Variants in USP34 observed in about 807,000 individuals in gnomAD.
USP34 encodes the protein ubiquitin specific peptidase 34.
Under a neutral mutation model 460.3 loss-of-function variants are expected in USP34, and 70 were observed. The ratio of observed to expected loss-of-function variants is 0.15; its 90% CI spans 0.13 to 0.19. USP34 has a LOEUF of 0.19. USP34 is among the 10% of genes least tolerant of loss of function. The probability of loss-of-function intolerance (pLI) is 1.00; values close to 1 mark genes in which losing one functional copy is unlikely to be tolerated. For missense variants in USP34, 3,985 were observed against 4,236.2 expected, an observed-to-expected ratio of 0.94 and a Z score of 1.65; for synonymous variants, 1,647 against 1,405.3, an observed-to-expected ratio of 1.17 and a Z score of -3.85.
At chr2:61,419,373 G>A (rs1034962539) in intron 2 of USP34, among the ~76,000 whole-genome samples, 2 of 151,996 alleles carry the variant, frequency 1.3e-5, no homozygotes, top group African/African-American at 2.4e-5. Flanking sequence ...ACAGGCTCTC[G>A]GTGGTTTGGA....
intron 43 of USP34, among the ~76,000 whole-genome samples, chr2:61,263,933 G>A (rs570520462): frequency 6.6e-6 from 1 of 152,246 alleles, no homozygotes; most frequent in East Asian, 1.9e-4. Flanking sequence ...CAGCACATCT[G>A]AGTGTTCCTT....
At chr2:61,260,637 AT>A (rs1688851925) in intron 43 of USP34, among the ~76,000 whole-genome samples, 1 of 152,230 alleles carries the variant, frequency 6.6e-6, no homozygotes, top group African/African-American at 2.4e-5. Flanking sequence ...ATAAAATTAT[AT>A]ATTAAACTCA....
intron 33 of USP34, among the ~76,000 whole-genome samples, chr2:61,290,406 T>C (rs1286357965): frequency 6.6e-6 from 1 of 152,156 alleles, no homozygotes; most frequent in Non-Finnish European, 1.5e-5. Flanking sequence ...AGAAACTTTA[T>C]TTTAACAACC....
At chr2:61,278,783 TAAAA>T (rs11404093) in intron 39 of USP34, among the ~76,000 whole-genome samples, 1 of 148,928 alleles carries the variant, frequency 6.7e-6, no homozygotes, top group Non-Finnish European at 1.5e-5. Context: ...TAAAGTATAA[TAAAA>T]AAAAAAGTCA....
rs148313837 is a variant in USP34, at chr2:61,231,488, G to A, written c.7113+964C>T. On this transcript the variant is annotated intron_variant, in intron 58 of 79. Transcript: ENST00000398571. The stretch of plus-strand genomic sequence containing the variant: ...AGAACTCTGGGAGGCTAAGTTGGGA[G>A]GACTGCCTGATCCCAGGAATTTGAG... 1.3e-3 allele frequency among the ~76,000 whole-genome samples: 192 copies of A among 152,290 alleles called. 3 individuals carry two copies. The East Asian group carries it at 0.034, about 27-fold the overall frequency.
At chr2:61,454,472 A>T (rs1695374363) in intron 1 of USP34, among the ~76,000 whole-genome samples, 1 of 152,060 alleles carries the variant, frequency 6.6e-6, no homozygotes, top group South Asian at 2.1e-4. Flanking sequence ...CCCAAAGGGA[A>T]AGCACTGGAT....
rs1214184389 is a variant in USP34, at chr2:61,339,255, A to C, written c.2744+96T>G. 5.7e-6 allele frequency: 7 copies of C among 1,228,602 alleles called. No individual in the cohort carries two copies. In the East Asian group the frequency reaches 1.7e-4, roughly 30 times the overall value. The allele number at this position is 1,228,602 out of a possible 1,614,324, so 76.1% of individuals were successfully genotyped here. A position where few individuals can be genotyped will look rare whatever the true frequency, so the allele number is the denominator to read the frequency against. ...AAAAACAGATTAATACAGGTATATG[A>C]AACAGTATAAAAACATCACACCTAG... is the stretch of plus-strand genomic sequence containing the variant. On this transcript the variant is annotated intron_variant, in intron 18 of 79. Coordinates refer to ENST00000398571, the MANE Select transcript of USP34 (RefSeq NM_014709.4).
At chr2:61,225,747 ATACATT>A (rs1687707395) in intron 62 of USP34, among the ~76,000 whole-genome samples, 1 of 152,216 alleles carries the variant, frequency 6.6e-6, no homozygotes, top group East Asian at 1.9e-4. Flanking sequence ...CAACCAATCG[ATACATT>A]TACTTTGTTT....
intron 7 of USP34, among the ~76,000 whole-genome samples, chr2:61,378,767 A>G (rs138098142): frequency 1.3e-5 from 2 of 152,052 alleles, no homozygotes; most frequent in East Asian, 3.9e-4. Context: ...TTAGCTGGGT[A>G]TGGTGGCATG....
chr2:61,375,486 C>G (rs565647365), intron 8 of USP34, among the ~76,000 whole-genome samples: 1 of 152,068 alleles, frequency 6.6e-6, no homozygotes, highest in Non-Finnish European at 1.5e-5. Context: ...AAAGTAGAAA[C>G]AGGCGGGGCG....
At chr2:61,309,887 G>A (rs1168594846) in intron 27 of USP34, among the ~76,000 whole-genome samples, 1 of 152,192 alleles carries the variant, frequency 6.6e-6, no homozygotes, top group East Asian at 1.9e-4. Flanking sequence ...GTATACATCT[G>A]TAGGGAAGGT....
In USP34 at chr2:61,241,778, G is replaced by T. The variant is rs773299509; in HGVS notation, c.6669C>A (p.Phe2223Leu). The T allele has an allele frequency of 6.5e-7, 1 of 1,535,914 alleles. No individual in the cohort carries two copies. The highest frequency in any genetic ancestry group is 8.8e-7 in the Non-Finnish European group (1 of 1,136,694). Residue 2223 changes from phenylalanine (F) to leucine (L), a missense_variant, in exon 52 of 80, where the codon TTC (phenylalanine) becomes TTA (leucine). Physicochemically the swap from Phe to Leu is conservative, Grantham distance 22. This residue lies in a region of USP34 where 604 missense variants were observed against 684.8 expected (regional missense o/e 0.88). Coordinates refer to ENST00000398571, the MANE Select transcript of USP34 (RefSeq NM_014709.4). ...AAAAAATGGTTACCTTTTCAAAAGA[G>T]AAGTCCATAAATTTATCTGTAACAG... Reference protein sequence around the residue: ...YDSVTDKFMDFSFEKTHSAYM... With the variant: ...YDSVTDKFMDLSFEKTHSAYM...
At chr2:61,399,897 AT>A (rs1237569555) in intron 3 of USP34, among the ~76,000 whole-genome samples, 3 of 147,954 alleles carry the variant, frequency 2.0e-5, no homozygotes, top group Non-Finnish European at 4.5e-5. Flanking sequence ...AAAAAGCTGT[AT>A]TAACAGTATT....
At chr2:61,341,292 C>T (rs1386394471) in intron 16 of USP34, among the ~76,000 whole-genome samples, 1 of 152,156 alleles carries the variant, frequency 6.6e-6, no homozygotes, top group East Asian at 1.9e-4. Flanking sequence ...CATGTTTTCA[C>T]TTCTCTTGAG....
Position 61,257,370 on chromosome 2 carries a change from C to A in USP34, c.5845-20G>T. ...ACTCTCCTGCAAATAAAAAGGGGAACATTCTAAGTGTCAGATAAAAATAAG... is the reference window on the plus strand; with the variant it reads ...ACTCTCCTGCAAATAAAAAGGGGAAAATTCTAAGTGTCAGATAAAAATAAG... On this transcript the variant is annotated intron_variant, in intron 44 of 79. Coordinates refer to ENST00000398571, the MANE Select transcript of USP34 (RefSeq NM_014709.4). The A allele has an allele frequency of 6.5e-7, 1 of 1,549,672 alleles. No individual in the cohort carries two copies.
At chr2:61,304,095 G>A (rs888669005) in intron 27 of USP34, among the ~76,000 whole-genome samples, 1 of 151,768 alleles carries the variant, frequency 6.6e-6, no homozygotes, top group Non-Finnish European at 1.5e-5. Flanking sequence ...ACAGGGTTTC[G>A]TCATGTTGGC....
intron 75 of USP34, among the ~76,000 whole-genome samples, chr2:61,193,627 CT>C (rs1686706842): frequency 6.6e-6 from 1 of 152,168 alleles, no homozygotes; most frequent in Non-Finnish European, 1.5e-5. Context: ...ATGTGTGCCC[CT>C]ATCCTCTGTC....
intron 8 of USP34, among the ~76,000 whole-genome samples, chr2:61,377,580 C>T (rs1256410596): frequency 1.3e-5 from 2 of 152,060 alleles, no homozygotes; most frequent in Non-Finnish European, 2.9e-5. Flanking sequence ...ACCTCTCTAC[C>T]TCTTTCCACC....
chr2:61,316,713 C>T (rs1039055421), intron 23 of USP34, among the ~76,000 whole-genome samples: 1 of 151,964 alleles, frequency 6.6e-6, no homozygotes, highest in East Asian at 1.9e-4. Context: ...GGTGAAACCC[C>T]ACCTATACTA....
Sources: gnomAD v4.1 joint callset for allele counts (sites outside exome capture counted in the v4.1 genomes callset) on GRCh38, gnomAD v4.1.1 for gene constraint, gnomAD v4.1.1 regional missense constraint, MANE v1.5 for transcripts, NCBI Gene and HGNC (gene_info 2026-07-23, HGNC 2026-07-21) for gene names.